The following CSMD1 variants were observed in gnomAD, a reference collection of about 807,000 sequenced individuals.
The protein encoded by CSMD1 is CUB and sushi domain-containing protein 1.
In CSMD1, 213 loss-of-function variants were observed where a neutral mutation model predicts 417.5. The observed-to-expected ratio is 0.51, with a 90% CI of 0.46 to 0.57. CSMD1 has a LOEUF of 0.57. CSMD1 is among the 20% of genes least tolerant of loss of function. The pLI, the probability that CSMD1 is intolerant of heterozygous loss-of-function variation, is 0.00. For synonymous variants in CSMD1, 2,862 were observed against 1,736.8 expected (o/e 1.65, Z -16.11); for missense variants, 6,923 against 4,529.7 (o/e 1.53, Z -15.17).
At position 3,437,064 on chromosome 8, in the gene CSMD1, G is replaced by C. The variant is rs779236017; in HGVS notation, c.1562-27459C>G. Among the ~76,000 whole-genome samples the C allele has an allele frequency of 2.0e-5, 3 of 152,264 alleles. No individual in the cohort carries two copies. In the South Asian group the frequency reaches 6.2e-4, roughly 32 times the overall value. On this transcript the variant is annotated intron_variant, in intron 12 of 69. Transcript: ENST00000635120. ...AGCTTAATTCTTATCTCTGGCTATG[G>C]TTCTCATGCATCGAAAAACTTCAAA...
At chr8:4,875,816 C>G (rs555678331) in intron 1 of CSMD1, among the ~76,000 whole-genome samples, 6 of 152,038 alleles carry the variant, frequency 3.9e-5, no homozygotes, top group South Asian at 2.1e-4. Context: ...AATGAACACA[C>G]AGAGACAGAC....
intron 3 of CSMD1, among the ~76,000 whole-genome samples, chr8:4,077,838 A>G (rs1799914857): frequency 6.6e-6 from 1 of 152,114 alleles, no homozygotes; most frequent in South Asian, 2.1e-4. Flanking sequence ...CATAAACCAA[A>G]TTGAGCCTAA....
At chr8:4,674,097 A>G (rs1805524862) in intron 1 of CSMD1, among the ~76,000 whole-genome samples, 1 of 152,216 alleles carries the variant, frequency 6.6e-6, no homozygotes, top group South Asian at 2.1e-4. Flanking sequence ...TATTCTCTTT[A>G]TATAAACCAG....
chr8:3,313,085 T>A, intron 23 of CSMD1, among the ~76,000 whole-genome samples: 1 of 152,168 alleles, frequency 6.6e-6, no homozygotes, highest in Non-Finnish European at 1.5e-5. Context: ...TCTGCACTAT[T>A]TCAGAAAAGA....
At chr8:4,861,908 C>T (rs910811256) in intron 1 of CSMD1, among the ~76,000 whole-genome samples, 1 of 151,976 alleles carries the variant, frequency 6.6e-6, no homozygotes, top group African/African-American at 2.4e-5. Flanking sequence ...AAGAACTTTC[C>T]ACTTATTATA....
intron 1 of CSMD1, among the ~76,000 whole-genome samples, chr8:4,758,523 G>A (rs1811818608): frequency 6.6e-6 from 1 of 152,134 alleles, no homozygotes; most frequent in Non-Finnish European, 1.5e-5. Flanking sequence ...CCTTCTAGAA[G>A]GAAGTAGTGA....
chr8:4,404,167 T>C (rs1003667204), intron 3 of CSMD1, among the ~76,000 whole-genome samples: 2 of 152,220 alleles, frequency 1.3e-5, no homozygotes, highest in African/African-American at 4.8e-5. Flanking sequence ...CGGAACACTC[T>C]ATTTAATATT....
chr8:3,059,538 G>A (rs764476114), intron 49 of CSMD1, among the ~76,000 whole-genome samples: 2 of 152,170 alleles, frequency 1.3e-5, no homozygotes, highest in Non-Finnish European at 2.9e-5. Context: ...TCAGGGCCCA[G>A]GTGACAGGCA....
chr8:4,071,458 A>AT (rs958271573), intron 3 of CSMD1, among the ~76,000 whole-genome samples: 2 of 151,928 alleles, frequency 1.3e-5, no homozygotes, highest in Non-Finnish European at 2.9e-5. Flanking sequence ...TATAACGCCT[A>AT]TTTTTTTCCT....
At chr8:4,840,884 T>C (rs1448204234) in intron 1 of CSMD1, among the ~76,000 whole-genome samples, 2 of 152,224 alleles carry the variant, frequency 1.3e-5, no homozygotes, top group Non-Finnish European at 2.9e-5. Flanking sequence ...AAGTGCCTAA[T>C]ATTTGCGTGT....
chr8:3,357,772 T>C (rs1200019116), intron 21 of CSMD1, among the ~76,000 whole-genome samples: 1 of 152,170 alleles, frequency 6.6e-6, no homozygotes, highest in African/African-American at 2.4e-5. Context: ...TACCGTATTT[T>C]TTTTCTTGAG....
chr8:4,436,753 A>C (rs1798171329), intron 2 of CSMD1, among the ~76,000 whole-genome samples: 1 of 152,142 alleles, frequency 6.6e-6, no homozygotes, highest in Non-Finnish European at 1.5e-5. Flanking sequence ...AGATCCCACA[A>C]ATAAGTGATC....
At chr8:4,259,246 T>C (rs1028239587) in intron 3 of CSMD1, among the ~76,000 whole-genome samples, 37 of 152,070 alleles carry the variant, frequency 2.4e-4, no homozygotes, top group African/African-American at 8.7e-4. Flanking sequence ...ACACAGACAA[T>C]CTTTTCCTAA....
At chr8:3,648,699 A>T (rs1018700239) in intron 7 of CSMD1, among the ~76,000 whole-genome samples, 1 of 152,214 alleles carries the variant, frequency 6.6e-6, no homozygotes, top group African/African-American at 2.4e-5. Flanking sequence ...AAAATGGTCT[A>T]AAAAGTGCCT....
intron 17 of CSMD1, among the ~76,000 whole-genome samples, chr8:3,393,996 AT>A (rs1340659798): frequency 2.6e-4 from 4 of 15,284 alleles, no homozygotes; most frequent in Admixed American, 7.0e-4. Context: ...AATAATAATA[AT>A]AATAAAAAAA....
intron 3 of CSMD1, among the ~76,000 whole-genome samples, chr8:4,322,557 T>C (rs1799330450): frequency 6.6e-6 from 1 of 151,540 alleles, no homozygotes; most frequent in South Asian, 2.1e-4. Flanking sequence ...CTGAAGAGAG[T>C]AAGTAAGATT....
chr8:4,187,812 A>G (rs1435794381), intron 3 of CSMD1, among the ~76,000 whole-genome samples: 1 of 152,144 alleles, frequency 6.6e-6, no homozygotes, highest in Admixed American at 6.5e-5. Flanking sequence ...TTATTTTCCA[A>G]AATCACAGTT....
At chr8:3,541,207 G>C (rs145196914) in intron 10 of CSMD1, among the ~76,000 whole-genome samples, 291 of 152,296 alleles carry the variant, frequency 1.9e-3, no homozygotes, top group African/African-American at 6.5e-3. Context: ...CCATAAGAAG[G>C]AATGAGATCA....
Position 4,804,434 on chromosome 8 carries a change from A to C in CSMD1, c.86-166876T>G, listed in dbSNP as rs138696279. The stretch of plus-strand genomic sequence containing the variant: ...CTATGCAATTACTGAATAAATTGCC[A>C]GTCATATACAGACTTCGGTGTAGAT... On this transcript the variant is annotated intron_variant, in intron 1 of 69. Transcript: ENST00000635120. Among the ~76,000 whole-genome samples the C allele has an allele frequency of 7.9e-5, 12 of 152,176 alleles. No homozygotes were observed. In the East Asian group the frequency reaches 2.3e-3, roughly 29 times the overall value.
Sources: gnomAD v4.1 joint callset for allele counts (sites outside exome capture counted in the v4.1 genomes callset) on GRCh38, gnomAD v4.1.1 for gene constraint, MANE v1.5 for transcripts, NCBI Gene and HGNC (gene_info 2026-07-23, HGNC 2026-07-21) for gene names.